PIK3C2B: variants seen among roughly 807,000 people sequenced by gnomAD.
PIK3C2B encodes the protein phosphatidylinositol 4-phosphate 3-kinase C2 domain-containing subunit beta.
A neutral mutation model predicts 184.3 loss-of-function variants in PIK3C2B; 83 were observed. The ratio of observed to expected loss-of-function variants is 0.45; its 90% confidence interval spans 0.38 to 0.54. PIK3C2B has a LOEUF of 0.54. Among genes scored for constraint, PIK3C2B ranks in the 20% least tolerant of loss-of-function variants. The pLI is 0.00. For synonymous variants in PIK3C2B, 779 were observed against 837.6 expected, an observed-to-expected ratio of 0.93 and a Z score of 1.21; for missense variants, 1,736 against 2,113.5, an observed-to-expected ratio of 0.82 and a Z score of 3.50.
intron 1 of PIK3C2B, among the ~76,000 whole-genome samples, chr1:204,473,489 T>TG (rs1558276521): frequency 6.6e-6 from 1 of 152,232 alleles, no homozygotes; most frequent in African/African-American, 2.4e-5. Flanking sequence ...TGCCTGGAGC[T>TG]GGGAGACTAG....
At chr1:204,478,682 T>G (rs1656899170) in intron 1 of PIK3C2B, among the ~76,000 whole-genome samples, 2 of 152,222 alleles carry the variant, frequency 1.3e-5, no homozygotes, top group African/African-American at 4.8e-5. Flanking sequence ...CCTCTATAGC[T>G]AAACTAAAGC....
chr1:204,452,996 T>G (rs1469643628), intron 12 of PIK3C2B, among the ~76,000 whole-genome samples: 1 of 152,078 alleles, frequency 6.6e-6, no homozygotes, highest in African/African-American at 2.4e-5. Context: ...TACCTAAGTG[T>G]GAAGGGCATG....
chr1:204,468,507 T>G (rs1380081257), intron 2 of PIK3C2B, among the ~76,000 whole-genome samples: 1 of 152,172 alleles, frequency 6.6e-6, no homozygotes, highest in East Asian at 1.9e-4. Context: ...CGGAAGCAAC[T>G]TGCTCCGGTC....
At chr1:204,450,929 T>C (rs1654294643) in intron 12 of PIK3C2B, among the ~76,000 whole-genome samples, 1 of 152,190 alleles carries the variant, frequency 6.6e-6, no homozygotes, top group Admixed American at 6.5e-5. Flanking sequence ...CAGCAACTTC[T>C]ATGCCAGAGG....
chr1:204,468,689 T>C (rs933709568), intron 2 of PIK3C2B, among the ~76,000 whole-genome samples, 181 bp downstream of exon 2: 6 of 152,192 alleles, frequency 3.9e-5, no homozygotes, highest in African/African-American at 1.4e-4. Flanking sequence ...CCTCTACTGG[T>C]GTCCACCCCT....
chr1:204,472,102 C>T (rs1481326994), intron 1 of PIK3C2B, among the ~76,000 whole-genome samples: 5 of 151,890 alleles, frequency 3.3e-5, no homozygotes, highest in East Asian at 3.9e-4. Flanking sequence ...ATGGTGGTAA[C>T]GACAAGGTCA....
At chr1:204,462,050 G>A (rs1655377745) in intron 5 of PIK3C2B, among the ~76,000 whole-genome samples, 1 of 152,136 alleles carries the variant, frequency 6.6e-6, no homozygotes, top group South Asian at 2.1e-4. Context: ...TCTGTTGGGT[G>A]GGAGTGGGGC....
intron 23 of PIK3C2B, among the ~76,000 whole-genome samples, chr1:204,434,891 G>A (rs112772719): frequency 4.2e-4 from 64 of 152,188 alleles, no homozygotes; most frequent in African/African-American, 1.5e-3. Context: ...TAGGGAGATC[G>A]GTTGGAAAGA....
At chr1:204,479,078 T>C (rs1349969194) in intron 1 of PIK3C2B, among the ~76,000 whole-genome samples, 1 of 152,144 alleles carries the variant, frequency 6.6e-6, no homozygotes, top group Non-Finnish European at 1.5e-5. Context: ...AAACTTTCCT[T>C]CCTCTAGAGC....
At chr1:204,435,370 A>C (rs1675286712) in intron 23 of PIK3C2B, 1 of 151,918 alleles carries the variant, frequency 6.6e-6, no homozygotes, top group Non-Finnish European at 1.5e-5. Context: ...GAAATAGACC[A>C]CTCCTGCCTT....
intron 15 of PIK3C2B, among the ~76,000 whole-genome samples, chr1:204,446,821 C>T (rs147176974): frequency 4.6e-5 from 7 of 152,176 alleles, no homozygotes; most frequent in African/African-American, 1.4e-4. Context: ...CTCTCATGCC[C>T]CCACACACAC....
intron 1 of PIK3C2B, among the ~76,000 whole-genome samples, chr1:204,477,241 C>T (rs903054178): frequency 6.6e-6 from 1 of 152,202 alleles, no homozygotes; most frequent in Non-Finnish European, 1.5e-5. Context: ...TCTGGAAGTT[C>T]TGACTCAGTA....
chr1:204,452,832 T>C (rs533403680), intron 12 of PIK3C2B, among the ~76,000 whole-genome samples: 53 of 151,964 alleles, frequency 3.5e-4, no homozygotes, highest in African/African-American at 1.3e-3. Context: ...TTTAAAATAA[T>C]TTTTTAGTAG....
rs986512504 is a variant in PIK3C2B, at chr1:204,427,691, T to C, written c.4544A>G (p.Lys1515Arg). The change falls in exon 31 of 33, where the codon AAA (lysine) becomes AGA (arginine). Residue 1515 changes from lysine (K) to arginine (R), a missense_variant. Around this residue, in one of 8 missense-constraint regions of PIK3C2B, gnomAD observed 95 missense variants for 164.2 expected, o/e 0.58. Transcript: ENST00000684373. ...GGEVKLSISYKNNKLFIMVMH... is the reference protein window; with the variant it reads ...GGEVKLSISYRNNKLFIMVMH... ...CACCATGATGAAGAGTTTATTGTTT[T>C]TGTAGGAGATGGACAGCTTCACCTC... 4 of 1,613,942 alleles carry C rather than the reference T, an allele frequency of 2.5e-6. No individual in the cohort carries two copies. The African/African-American group carries it at 5.3e-5, about 22-fold the overall frequency.
chr1:204,434,327 A>G, intron 24 of PIK3C2B, 112 bp downstream of exon 24: 1 of 926,026 alleles, frequency 1.1e-6, no homozygotes, highest in Non-Finnish European at 1.7e-6. Context: ...CAGCCCTGGG[A>G]CCATGATCTG....
rs35792291 is a variant in PIK3C2B, at chr1:204,463,872, G to A, written c.1310+140C>T. 6.9e-3 allele frequency: 5,989 copies of A among 869,704 alleles called. 43 individuals are homozygous for A. Among genetic ancestry groups the A allele is most frequent in the Non-Finnish European group, 9.2e-3 (5,117 of 558,362 alleles). 53.9% of individuals were successfully genotyped at this position (869,704 alleles called of 1,614,324 possible). ...CTCCTGGGGAAAGTGCTACGTGGCC[G>A]AGAGTGTGCCCAGAAAGCAGGAGTC... On this transcript the variant is annotated intron_variant, in intron 5 of 32. Coordinates refer to ENST00000684373, the MANE Select transcript of PIK3C2B (RefSeq NM_001377334.1).
At position 204,441,538 on chromosome 1, in the gene PIK3C2B, G is replaced by A. The variant is rs754794445; in HGVS notation, c.3182C>T (p.Ala1061Val). The change falls in exon 21 of 33, where the codon GCT becomes GTT. Residue 1061 changes from alanine (A) to valine (V), a missense_variant. This residue lies in a region of PIK3C2B where 289 missense variants were observed against 380.4 expected (regional missense o/e 0.76). Coordinates refer to ENST00000684373, the MANE Select transcript of PIK3C2B (RefSeq NM_001377334.1). ...TTGGAAGGAGAGTTTGAGGGGGACA[G>A]CATTGGAGTTGAAGTAGGAACAGTC... The part of the protein sequence containing the change: ...PRDCSYFNSN[A>V]VPLKLSFQNV... 7 of 1,612,810 alleles carry A rather than the reference G, an allele frequency of 4.3e-6. No homozygotes were observed. The highest frequency in any genetic ancestry group is 5.1e-6 in the Non-Finnish European group (6 of 1,178,790).
Position 204,433,692 on chromosome 1 carries a change from G to T in PIK3C2B, c.3843+101C>A. ...GGCAGGTATTCAGTTGGGGCTCAGA[G>T]AGGTAAATCTCTAGAAATCCTCTGC... On this transcript the variant is annotated intron_variant, in intron 25 of 32. Transcript: ENST00000684373. This position sits in a 1 kb window ranked among gnomAD's most constrained non-coding sequence, Gnocchi z 5.0. 2.6e-6 allele frequency: 3 copies of T among 1,159,876 alleles called. No individual in the cohort carries two copies. In the South Asian group the frequency reaches 4.1e-5, roughly 16 times the overall value. The allele number at this position is 1,159,876 out of a possible 1,614,324, so 71.8% of individuals were successfully genotyped here. A position where few individuals can be genotyped will look rare whatever the true frequency, so the allele number is the denominator to read the frequency against.
At chr1:204,428,334 T>C (rs1674861159) in intron 29 of PIK3C2B, 114 bp from the exon 30 acceptor site, 1 of 665,732 alleles carries the variant, frequency 1.5e-6, no homozygotes, top group East Asian at 2.7e-5. Context: ...ACCAACAACA[T>C]GCAGTTCTTA....
Sources: gnomAD v4.1 joint callset for allele counts (sites outside exome capture counted in the v4.1 genomes callset) on GRCh38, gnomAD v4.1.1 for gene constraint, gnomAD v4.1.1 regional missense constraint, Gnocchi (gnomAD v3.1) non-coding constraint, MANE v1.5 for transcripts, NCBI Gene and HGNC (gene_info 2026-07-23, HGNC 2026-07-21) for gene names.